TNRC6C: variants seen among roughly 807,000 people sequenced by gnomAD.
TNRC6C encodes the protein trinucleotide repeat containing adaptor 6C, also known as trinucleotide repeat-containing gene 6C protein.
A neutral mutation model predicts 153.7 loss-of-function variants in TNRC6C; 20 were observed. That is an observed-to-expected ratio of 0.13 (90% CI 0.09 to 0.19). The LOEUF (loss-of-function observed/expected upper bound fraction) is 0.19, where lower values mean the gene tolerates loss of function less well. TNRC6C is among the 10% of genes least tolerant of loss of function. TNRC6C has a pLI of 1.00. For missense variants in TNRC6C, 1,987 were observed against 2,172.0 expected (o/e 0.91, Z 1.69); for synonymous variants, 811 against 841.4 (o/e 0.96, Z 0.63).
intron 13 of TNRC6C, among the ~76,000 whole-genome samples, chr17:78,089,900 A>G (rs1299400253): frequency 6.6e-6 from 1 of 152,218 alleles, no homozygotes; most frequent in African/African-American, 2.4e-5. Context: ...TGCAAGGGCC[A>G]GGCCAGTCTA....
intron 1 of TNRC6C, among the ~76,000 whole-genome samples, chr17:77,995,293 G>A (rs1182296938): frequency 1.3e-5 from 2 of 152,210 alleles, no homozygotes; most frequent in Non-Finnish European, 2.9e-5. Context: ...CACTGTGTGT[G>A]CAGGGGTGGC....
intron 1 of TNRC6C, among the ~76,000 whole-genome samples, chr17:78,028,702 T>A (rs893365761): frequency 5.3e-5 from 8 of 152,164 alleles, no homozygotes; most frequent in Non-Finnish European, 1.2e-4. Context: ...CACCCCCCAA[T>A]GTTGACTTAA....
intron 3 of TNRC6C, among the ~76,000 whole-genome samples, chr17:78,055,792 C>T (rs2072641911): frequency 6.6e-6 from 1 of 152,106 alleles, no homozygotes; most frequent in Admixed American, 6.5e-5. Flanking sequence ...TGGATCACCT[C>T]ATTGGATTTT....
At position 77,968,037 on chromosome 17, in the gene TNRC6C, T is replaced by G. The variant is rs1050409199; in HGVS notation, c.-38+8769T>G. Reference sequence around the variant, plus strand: ...TAGTTATTATTCTTATTATTCTTATTCTTATTCTTATTTTGAGACAGAGCC... The same window carrying G: ...TAGTTATTATTCTTATTATTCTTATGCTTATTCTTATTTTGAGACAGAGCC... On this transcript the variant is annotated intron_variant, in intron 1 of 22. Coordinates refer to the TNRC6C transcript ENST00000636222. 2.6e-5 allele frequency among the ~76,000 whole-genome samples: 4 copies of G among 152,188 alleles called. No homozygotes were observed. The South Asian group carries it at 8.3e-4, about 32-fold the overall frequency.
upstream of TNRC6C, among the ~76,000 whole-genome samples, chr17:77,958,810 G>A (rs1391164511): frequency 7.0e-6 from 1 of 142,862 alleles, no homozygotes; most frequent in East Asian, 2.2e-4. Flanking sequence ...CTTGAGCGCC[G>A]CCCGGGCCGC....
intron 1 of TNRC6C, among the ~76,000 whole-genome samples, chr17:78,007,747 T>G (rs1486581901): frequency 2.0e-5 from 3 of 152,206 alleles, no homozygotes; most frequent in African/African-American, 7.2e-5. Context: ...CAGTTATAAA[T>G]TAGATTGCAT....
Position 78,049,663 on chromosome 17 carries a change from C to T in TNRC6C, c.601C>T (p.Gln201Ter). 6.2e-7 allele frequency: 1 copy of T among 1,613,172 alleles called. No homozygotes were observed. The highest frequency in any genetic ancestry group is 8.5e-7 in the Non-Finnish European group (1 of 1,179,206). The change falls in exon 3 of 20, where the codon CAG (glutamine) becomes TAG (stop). Residue 201 changes from glutamine (Q) to a stop codon, truncating the protein, a stop_gained. Transcript: ENST00000301624. LOFTEE classifies it high-confidence loss of function. This position sits in a 1 kb window ranked among gnomAD's most constrained non-coding sequence, Gnocchi z 4.1. ...TTCACCCAACCCTATCAATGCAATG[C>T]AGACAAATGGACTGCCAAACTGGGG...
At chr17:78,044,229 T>A (rs1158627242) in intron 2 of TNRC6C, among the ~76,000 whole-genome samples, 1 of 152,240 alleles carries the variant, frequency 6.6e-6, no homozygotes, top group Non-Finnish European at 1.5e-5. Context: ...TTTTTGCAAG[T>A]AACTTCAGTT....
intron 1 of TNRC6C, among the ~76,000 whole-genome samples, chr17:77,966,123 T>G (rs1262471526): frequency 1.3e-5 from 2 of 152,208 alleles, no homozygotes; most frequent in Non-Finnish European, 2.9e-5. Flanking sequence ...AAATATTTTG[T>G]AAAGCGCGTA....
intron 1 of TNRC6C, among the ~76,000 whole-genome samples, chr17:77,967,072 A>G (rs2070902616): frequency 6.6e-6 from 1 of 152,218 alleles, no homozygotes; most frequent in South Asian, 2.1e-4. Context: ...TAAAACAGAT[A>G]AAAATATTTT....
At chr17:78,099,201 G>A (rs1165001784) in intron 17 of TNRC6C, among the ~76,000 whole-genome samples, 1 of 152,158 alleles carries the variant, frequency 6.6e-6, no homozygotes, top group East Asian at 1.9e-4. Context: ...CCAACTGCTG[G>A]GGAGGCTGAG....
intron 3 of TNRC6C, among the ~76,000 whole-genome samples, chr17:78,054,913 T>C (rs1029655353): frequency 3.3e-5 from 5 of 151,380 alleles, no homozygotes; most frequent in African/African-American, 1.2e-4. Flanking sequence ...TGCGGACTAC[T>C]GTATGCTACC....
chr17:78,022,105 C>T (rs1172388547), intron 1 of TNRC6C, among the ~76,000 whole-genome samples: 1 of 152,182 alleles, frequency 6.6e-6, no homozygotes. Context: ...ACTTTGCTGG[C>T]CATATATGGT....
At chr17:78,093,214 T>C in intron 15 of TNRC6C, 90 bp downstream of exon 17, 2 of 1,354,198 alleles carry the variant, frequency 1.5e-6, no homozygotes, top group Non-Finnish European at 1.0e-6. Context: ...GGACCCAGAA[T>C]CTGAGCTAAG....
chr17:78,021,155 C>T (rs139263768), intron 1 of TNRC6C, among the ~76,000 whole-genome samples: 15 of 152,254 alleles, frequency 9.9e-5, no homozygotes, highest in Middle Eastern at 6.8e-3. Context: ...ACTTGGAGCT[C>T]GAGGGCAACA....
chr17:78,046,725 A>C (rs1012804271), intron 2 of TNRC6C, among the ~76,000 whole-genome samples: 3 of 152,122 alleles, frequency 2.0e-5, no homozygotes, highest in African/African-American at 7.2e-5. Context: ...TGCTTTTCCT[A>C]ATTCGCTCTT....
chr17:78,057,077 GAGAC>G (rs1465833859), intron 3 of TNRC6C, among the ~76,000 whole-genome samples: 6 of 152,150 alleles, frequency 3.9e-5, no homozygotes, highest in Non-Finnish European at 5.9e-5. Flanking sequence ...CCAATTAAAA[GAGAC>G]AAATAAAAAG....
chr17:78,026,725 GGGA>G (rs1408155972), intron 1 of TNRC6C, among the ~76,000 whole-genome samples: 2 of 152,160 alleles, frequency 1.3e-5, no homozygotes, highest in African/African-American at 2.4e-5. Flanking sequence ...TTTTAAACCA[GGGA>G]GGAGATCTGC....
exon 9 of TNRC6C, chr17:78,077,313 A>G (rs1210814071): frequency 6.3e-7 from 1 of 1,578,270 alleles, no homozygotes; most frequent in Non-Finnish European, 8.6e-7. Flanking sequence ...TGGGCATGCA[A>G]AACTTGAATT....
Sources: allele counts gnomAD v4.1 joint callset (sites outside exome capture counted in the v4.1 genomes callset), GRCh38; gene constraint gnomAD v4.1.1; non-coding constraint Gnocchi (gnomAD v3.1); transcripts MANE v1.5; gene names NCBI Gene and HGNC (gene_info 2026-07-23, HGNC 2026-07-21).